The following TSG101 variants were observed in gnomAD, a reference collection of about 807,000 sequenced individuals.
TSG101 encodes the protein tumor susceptibility 101, also known as tumor susceptibility gene 101 protein.
In TSG101, 19 loss-of-function variants were observed where a neutral mutation model predicts 48.5. The ratio of observed to expected loss-of-function variants is 0.39; its 90% confidence interval spans 0.27 to 0.58. The LOEUF (loss-of-function observed/expected upper bound fraction) is 0.58, where lower values mean the gene tolerates loss of function less well. Among genes scored for constraint, TSG101 ranks in the 20% least tolerant of loss-of-function variants. TSG101 has a pLI of 0.55. For missense variants in TSG101, 365 were observed against 484.4 expected (o/e 0.75, Z 2.31); for synonymous variants, 174 against 169.4 (o/e 1.03, Z -0.21).
chr11:18,525,614 G>C (rs990580755), intron 1 of TSG101: 5 of 811,060 alleles, frequency 6.2e-6, no homozygotes, highest in Non-Finnish European at 7.4e-6. Flanking sequence ...ACAATATACC[G>C]TTTTTTTCAA....
rs1384482513 is a variant in TSG101 at position 18,526,832 on chromosome 11, A to C, written c.-16T>G. The C allele has an allele frequency of 4.4e-6, 7 of 1,599,092 alleles. No individual in the cohort carries two copies. Among genetic ancestry groups the C allele is most frequent in the East Asian group, 2.2e-5 (1 of 44,612 alleles). On this transcript the variant is annotated 5_prime_UTR_variant, in exon 1 of 10. Coordinates refer to ENST00000251968, the MANE Select transcript of TSG101 (RefSeq NM_006292.4). ...ACACCGCCATGACGGCCGCCTGGCG[A>C]CTCCCTTCCCCGCAGGCAGAGGGTC...
intron 4 of TSG101, among the ~76,000 whole-genome samples, chr11:18,512,180 G>A (rs141211086): frequency 1.1e-4 from 16 of 152,130 alleles, no homozygotes; most frequent in East Asian, 5.8e-4. Context: ...TGAGGCGGAC[G>A]GATCACCTGA....
At position 18,514,755 on chromosome 11, in the gene TSG101, A is replaced by T; in HGVS notation, c.280T>A (p.Ser94Thr). ...PPICFVKPTS[S>T]MTIKTGKHVD... ...TGCTTTCCTGTTTTAATAGTCATTG[A>T]ACTAGTAGGCTTAACAAAACAGATA... Residue 94 changes from serine (S) to threonine (T), a missense_variant, in exon 4 of 10, where the codon TCA becomes ACA. By Grantham distance (58) the Ser-to-Thr change is moderately conservative. Transcript: ENST00000251968. 6.3e-7 allele frequency: 1 copy of T among 1,597,768 alleles called. No individual in the cohort carries two copies. The highest frequency in any genetic ancestry group is 2.3e-5 in the East Asian group (1 of 43,796).
chr11:18,521,183 G>C (rs1850266775), intron 1 of TSG101, among the ~76,000 whole-genome samples: 1 of 151,766 alleles, frequency 6.6e-6, no homozygotes, highest in African/African-American at 2.4e-5. Flanking sequence ...CTAGAGACCT[G>C]GTCTCTTCAA....
chr11:18,509,584 A>G lies in TSG101; in HGVS notation c.439T>C (p.Ser147Pro), dbSNP rs771200455. 12 of 1,614,008 alleles carry G rather than the reference A, an allele frequency of 7.4e-6. No individual in the cohort carries two copies. The South Asian group carries it at 1.3e-4, about 18-fold the overall frequency. ...GCCTGGTATGGCGGATAGGATGCCG[A>G]AATAGGACGAGAGAAGACTGGAGGT... ...DEPPVFSRPI[S>P]ASYPPYQATG... Residue 147 changes from serine (S) to proline (P), a missense_variant, in exon 5 of 10, where the codon TCG becomes CCG. By Grantham distance (74) the Ser-to-Pro change is moderately conservative. Transcript: ENST00000251968.
chr11:18,513,928 A>G (rs1356082465), intron 4 of TSG101, among the ~76,000 whole-genome samples: 2 of 152,072 alleles, frequency 1.3e-5, no homozygotes, highest in African/African-American at 2.4e-5. Context: ...CTAAAATACA[A>G]AACTTTTGTA....
Position 18,514,491 on chromosome 11 carries a change from A to G in TSG101, c.357+187T>C, listed in dbSNP as rs536359660. On this transcript the variant is annotated intron_variant, in intron 4 of 9. Coordinates refer to ENST00000251968, the MANE Select transcript of TSG101 (RefSeq NM_006292.4). The stretch of plus-strand genomic sequence containing the variant: ...ATTGAATATAAGTATTCTGAAAATT[A>G]CAAAGCTCTACAGAAACCCATTTCT... Among the ~76,000 whole-genome samples the G allele has an allele frequency of 2.0e-5, 3 of 152,364 alleles. No individual in the cohort carries two copies. In the East Asian group the frequency reaches 5.8e-4, roughly 29 times the overall value.
At chr11:18,515,596 T>C (rs948150986) in intron 3 of TSG101, among the ~76,000 whole-genome samples, 6 of 152,232 alleles carry the variant, frequency 3.9e-5, no homozygotes, top group Non-Finnish European at 8.8e-5. Flanking sequence ...CCAGGCTCTG[T>C]GCCACGTCCT....
chr11:18,492,032 AAAAG>A (rs1335595738), intron 7 of TSG101, among the ~76,000 whole-genome samples: 5 of 152,232 alleles, frequency 3.3e-5, no homozygotes, highest in Non-Finnish European at 5.9e-5. Context: ...AAGAAAGTGA[AAAAG>A]AGCCAATTTC....
At chr11:18,481,929 C>G (rs1223827008) in intron 8 of TSG101, 60 bp from the exon 9 acceptor site, 21 of 1,579,986 alleles carry the variant, frequency 1.3e-5, no homozygotes, top group Non-Finnish European at 1.7e-5. Flanking sequence ...TGTCAGACAC[C>G]TACAACACTT....
intron 7 of TSG101, among the ~76,000 whole-genome samples, chr11:18,498,076 G>A (rs572477198): frequency 6.6e-6 from 1 of 152,184 alleles, no homozygotes; most frequent in Non-Finnish European, 1.5e-5. Flanking sequence ...GTGTGTGGGT[G>A]GGGGGTTGGA....
chr11:18,525,839 G>A, intron 1 of TSG101: 1 of 259,924 alleles, frequency 3.8e-6, no homozygotes, highest in Non-Finnish European at 6.0e-6. Flanking sequence ...CTATGGGGGC[G>A]ATTTAACTGG....
At chr11:18,492,138 G>A (rs1849707570) in intron 7 of TSG101, among the ~76,000 whole-genome samples, 1 of 152,188 alleles carries the variant, frequency 6.6e-6, no homozygotes, top group African/African-American at 2.4e-5. Flanking sequence ...TTTATAGTAA[G>A]GCTGCATTAG....
intron 7 of TSG101, among the ~76,000 whole-genome samples, chr11:18,485,859 GCCA>G (rs1849612707): frequency 6.6e-6 from 1 of 152,158 alleles, no homozygotes; most frequent in South Asian, 2.1e-4. Flanking sequence ...CCGGTGAAAC[GCCA>G]CCTTCAAGCC....
rs74985475 is a variant in TSG101 at position 18,520,692 on chromosome 11, A to G, written c.43-1089T>C. ...GTATCCCTTTAGTATAGTTTCATAG[A>G]TATATGTTTCTGTGAGTTAGTTGGA... On this transcript the variant is annotated intron_variant, in intron 1 of 9. Coordinates refer to ENST00000251968, the MANE Select transcript of TSG101 (RefSeq NM_006292.4). Among the ~76,000 whole-genome samples, 1,243 of 152,230 alleles carry G rather than the reference A, an allele frequency of 8.2e-3. 5 individuals are homozygous for G. Among genetic ancestry groups the G allele is most frequent in the Non-Finnish European group, 0.012 (808 of 68,026 alleles).
chr11:18,517,554 T>G (rs750837281), intron 2 of TSG101, among the ~76,000 whole-genome samples: 2 of 152,196 alleles, frequency 1.3e-5, no homozygotes, highest in Non-Finnish European at 2.9e-5. Flanking sequence ...AGAACACTGG[T>G]CCCATAAGAT....
At chr11:18,502,040 T>G (rs1034922463) in intron 7 of TSG101, among the ~76,000 whole-genome samples, 4 of 152,190 alleles carry the variant, frequency 2.6e-5, no homozygotes, top group Admixed American at 2.6e-4. Context: ...CTTAGTTTTT[T>G]TAGTTGAAGA....
intron 7 of TSG101, among the ~76,000 whole-genome samples, chr11:18,491,344 G>A (rs540112449): frequency 3.3e-5 from 5 of 152,266 alleles, no homozygotes; most frequent in African/African-American, 9.6e-5. Context: ...ACCTCTGGAG[G>A]AGCTGGAGAC....
At chr11:18,524,375 TG>T (rs149858470) in intron 1 of TSG101, among the ~76,000 whole-genome samples, 2,265 of 152,302 alleles carry the variant, frequency 0.015, 57 homozygotes, top group African/African-American at 0.051. Flanking sequence ...CAGAGTACCA[TG>T]ATGTGTGTGG....
Sources: allele counts gnomAD v4.1 joint callset (sites outside exome capture counted in the v4.1 genomes callset), GRCh38; gene constraint gnomAD v4.1.1; transcripts MANE v1.5; gene names NCBI Gene and HGNC (gene_info 2026-07-23, HGNC 2026-07-21).